PSME4: variants seen among roughly 807,000 people sequenced by gnomAD.
PSME4 encodes the protein proteasome activator complex subunit 4.
PSME4 carries 89 observed loss-of-function variants against 253.9 expected under a neutral mutation model. The observed-to-expected ratio is 0.35, with a 90% CI of 0.30 to 0.42. PSME4 has a LOEUF of 0.42. PSME4 is among the 10% of genes least tolerant of loss of function. The pLI is 1.00. For missense variants in PSME4, 2,014 were observed against 2,195.2 expected (o/e 0.92, Z 1.65); for synonymous variants, 851 against 759.2 (o/e 1.12, Z -1.99).
chr2:53,945,939 G>C (rs1158256362), intron 3 of PSME4, among the ~76,000 whole-genome samples: 1 of 152,168 alleles, frequency 6.6e-6, no homozygotes, highest in Admixed American at 6.5e-5. Flanking sequence ...TGCTGAGTCT[G>C]TTAAGAGTTG....
intron 3 of PSME4, among the ~76,000 whole-genome samples, chr2:53,946,094 T>A (rs537247009): frequency 6.6e-6 from 1 of 152,084 alleles, no homozygotes; most frequent in South Asian, 2.1e-4. Context: ...CCAATACTAA[T>A]AGAAAATTTC....
intron 19 of PSME4, 101 bp downstream of exon 19, chr2:53,920,092 A>C: frequency 9.3e-7 from 1 of 1,074,480 alleles, no homozygotes; most frequent in Non-Finnish European, 1.3e-6. Context: ...AGATTTTCAA[A>C]ACACAATTGA....
chr2:53,938,212 G>T (rs1244172421), intron 4 of PSME4, among the ~76,000 whole-genome samples: 2 of 152,026 alleles, frequency 1.3e-5, no homozygotes, highest in African/African-American at 4.8e-5. Flanking sequence ...ACAGGAAAAG[G>T]ATTACCAGTA....
chr2:53,922,906 CT>C, intron 16 of PSME4, 142 bp downstream of exon 16: 4 of 701,034 alleles, frequency 5.7e-6, no homozygotes, highest in Non-Finnish European at 6.7e-6. Context: ...TGGATGATAT[CT>C]TTTTTGGAGA....
At chr2:53,933,536 T>C (rs997394334) in intron 8 of PSME4, among the ~76,000 whole-genome samples, 1 of 152,152 alleles carries the variant, frequency 6.6e-6, no homozygotes, top group African/African-American at 2.4e-5. Context: ...TGTGTTATCA[T>C]GCCCGTGCTT....
At chr2:53,962,224 T>C (rs563030826) in intron 1 of PSME4, among the ~76,000 whole-genome samples, 1 of 152,336 alleles carries the variant, frequency 6.6e-6, no homozygotes, top group South Asian at 2.1e-4. Flanking sequence ...GAAGTTACTA[T>C]TTATTCCTAA....
intron 42 of PSME4, 54 bp downstream of exon 42, chr2:53,875,573 G>C (rs1679080185): frequency 6.5e-7 from 1 of 1,531,230 alleles, no homozygotes; most frequent in Non-Finnish European, 8.8e-7. Context: ...GAAATTCTTA[G>C]AATGGTAAAC....
At chr2:53,878,687 C>A (rs1377714288) in intron 41 of PSME4, among the ~76,000 whole-genome samples, 1 of 152,362 alleles carries the variant, frequency 6.6e-6, no homozygotes, top group Non-Finnish European at 1.5e-5. Context: ...AAGCCCCGGT[C>A]TCCCGTAGTG....
rs570593171 is a variant in PSME4, at chr2:53,874,563, A to G, written c.4945-69T>C. On this transcript the variant is annotated intron_variant, in intron 42 of 46. Transcript: ENST00000404125. Reference sequence around the variant, plus strand: ...AGAACATGAGATGACAGATAGTGACATTACACACAAACAATGTAATATTCT... The same window carrying G: ...AGAACATGAGATGACAGATAGTGACGTTACACACAAACAATGTAATATTCT... The G allele has an allele frequency of 8.3e-4, 1,138 of 1,370,850 alleles. 21 individuals carry two copies. In the South Asian group the frequency reaches 0.014, roughly 16 times the overall value. 84.9% of individuals were successfully genotyped at this position (1,370,850 alleles called of 1,614,324 possible).
intron 43 of PSME4, chr2:53,870,373 G>GTTTTTTTTTTTTTT (rs371507997): frequency 8.6e-6 from 1 of 115,904 alleles, no homozygotes. Flanking sequence ...TTTTCTTTTC[G>GTTTTTTTTTTTTTT]TTTTTTTTTT....
chr2:53,919,570 A>G (rs1668206884), intron 19 of PSME4, among the ~76,000 whole-genome samples: 1 of 152,166 alleles, frequency 6.6e-6, no homozygotes, highest in Non-Finnish European at 1.5e-5. Flanking sequence ...GCTACAGAAG[A>G]TCTTCCAGCT....
intron 26 of PSME4, among the ~76,000 whole-genome samples, chr2:53,905,954 C>T (rs537593452): frequency 5.9e-5 from 9 of 152,110 alleles, no homozygotes; most frequent in East Asian, 1.9e-4. Flanking sequence ...AAATCTGTAA[C>T]GCTCCAATAA....
At chr2:53,906,276 G>C (rs1007032278) in intron 26 of PSME4, among the ~76,000 whole-genome samples, 1 of 152,082 alleles carries the variant, frequency 6.6e-6, no homozygotes, top group Non-Finnish European at 1.5e-5. Flanking sequence ...CACTAGCACT[G>C]TCTTCCAAAT....
intron 3 of PSME4, among the ~76,000 whole-genome samples, chr2:53,943,712 C>T (rs1367717235): frequency 1.1e-4 from 16 of 151,712 alleles, no homozygotes; most frequent in Non-Finnish European, 1.5e-5. Context: ...TGTGGTGGCG[C>T]ACACCTGTAA....
At chr2:53,896,545 T>C (rs1680146641) in intron 32 of PSME4, among the ~76,000 whole-genome samples, 1 of 152,194 alleles carries the variant, frequency 6.6e-6, no homozygotes, top group African/African-American at 2.4e-5. Flanking sequence ...ATTTAAGTCT[T>C]TGAAATACAG....
rs1176313363 is a variant in PSME4 at position 53,908,803 on chromosome 2, T to A, written c.2610A>T (p.Thr870=). The A allele has an allele frequency of 2.5e-6, 4 of 1,604,168 alleles. No homozygotes were observed. The South Asian group carries it at 3.3e-5, about 13-fold the overall frequency. ...SRENHREVIA[T]VIRKLLNHIL... Reference sequence around the variant, plus strand: ...ACTTACTAAGAAGTTTCCTTATAACTGTAGCAATTACTTCTCGGTGGTTCT... The same window carrying A: ...ACTTACTAAGAAGTTTCCTTATAACAGTAGCAATTACTTCTCGGTGGTTCT... Residue 870 remains threonine, a synonymous_variant, in exon 22 of 47, where the codon ACA becomes ACT. Transcript: ENST00000404125.
At chr2:53,898,713 A>T (rs550316011) in intron 29 of PSME4, among the ~76,000 whole-genome samples, 1 of 152,178 alleles carries the variant, frequency 6.6e-6, no homozygotes, top group African/African-American at 2.4e-5. Context: ...AGGCTATAAG[A>T]GTTTATTATT....
At chr2:53,876,716 CTTTTT>C (rs10599430) in intron 41 of PSME4, among the ~76,000 whole-genome samples, 11 of 97,832 alleles carry the variant, frequency 1.1e-4, no homozygotes, top group Admixed American at 1.3e-4. Flanking sequence ...CACTGTCATT[CTTTTT>C]TTTTTTTTTT....
At chr2:53,913,033 T>C (rs1667897363) in intron 20 of PSME4, among the ~76,000 whole-genome samples, 1 of 152,168 alleles carries the variant, frequency 6.6e-6, no homozygotes, top group African/African-American at 2.4e-5. Context: ...ACCTCTCCCT[T>C]CCTCATGTGA....
Sources: gnomAD v4.1 joint callset for allele counts (sites outside exome capture counted in the v4.1 genomes callset) on GRCh38, gnomAD v4.1.1 for gene constraint, MANE v1.5 for transcripts, NCBI Gene and HGNC (gene_info 2026-07-23, HGNC 2026-07-21) for gene names.